Variants in RIN2 observed in about 807,000 individuals in gnomAD.
RIN2 encodes Ras and Rab interactor 2.
Under a neutral mutation model 78.0 loss-of-function variants are expected in RIN2, and 36 were observed. That is an observed-to-expected ratio of 0.46 (90% CI 0.35 to 0.61). The LOEUF is 0.61. Among genes scored for constraint, RIN2 ranks in the 20% least tolerant of loss-of-function variants. The probability of loss-of-function intolerance (pLI) is 0.00; values close to 1 mark genes in which losing one functional copy is unlikely to be tolerated. For missense variants in RIN2, 1,087 were observed against 1,159.7 expected, an observed-to-expected ratio of 0.94 and a Z score of 0.91; for synonymous variants, 466 against 466.8, an observed-to-expected ratio of 1.00 and a Z score of 0.02.
chr20:19,785,137 T>A (rs2034632539), intron 1 of RIN2, among the ~76,000 whole-genome samples: 1 of 151,984 alleles, frequency 6.6e-6, no homozygotes, highest in Admixed American at 6.6e-5. Flanking sequence ...ACATCAACTC[T>A]CACTCACGAT....
At chr20:19,978,490 T>G (rs2042351897) in intron 9 of RIN2, among the ~76,000 whole-genome samples, 1 of 152,232 alleles carries the variant, frequency 6.6e-6, no homozygotes, top group Non-Finnish European at 1.5e-5. Flanking sequence ...GCCCATGTGC[T>G]GGTGTCACTA....
chr20:19,933,077 G>A (rs1312554898), intron 3 of RIN2, among the ~76,000 whole-genome samples: 1 of 152,084 alleles, frequency 6.6e-6, no homozygotes, highest in African/African-American at 2.4e-5. Context: ...CTCGGTCCAA[G>A]CTGCATCATC....
At chr20:19,967,789 C>G (rs778255485) in intron 7 of RIN2, among the ~76,000 whole-genome samples, 4 of 152,102 alleles carry the variant, frequency 2.6e-5, no homozygotes, top group Non-Finnish European at 5.9e-5. Context: ...TGGGTTAAGG[C>G]TAATGCTGCT....
In RIN2 at chr20:19,956,972, A is replaced by T. The variant is rs547402443; in HGVS notation, c.351+165A>T. ...GCAGAAATATTCTGTAAACCCAGGA[A>T]CAGAGCCCTTCACGATGTGTCTTTC... On this transcript the variant is annotated intron_variant, in intron 5 of 12. Coordinates refer to ENST00000255006, the MANE Select transcript of RIN2 (RefSeq NM_018993.4). Among the ~76,000 whole-genome samples the T allele has an allele frequency of 5.3e-5, 8 of 152,362 alleles. No homozygotes were observed. The East Asian group carries it at 1.3e-3, about 26-fold the overall frequency.
At chr20:19,863,640 A>G (rs1372383304) in intron 2 of RIN2, among the ~76,000 whole-genome samples, 1 of 152,032 alleles carries the variant, frequency 6.6e-6, no homozygotes, top group Non-Finnish European at 1.5e-5. Flanking sequence ...TCACTTTCCC[A>G]TTCACCTATC....
intron 2 of RIN2, among the ~76,000 whole-genome samples, chr20:19,818,366 T>C (rs868753055): frequency 6.6e-6 from 1 of 152,244 alleles, no homozygotes. Flanking sequence ...ATGTTCATGG[T>C]TGGCAAGAGT....
chr20:19,760,248 G>C (rs1448038262), intron 1 of RIN2, among the ~76,000 whole-genome samples: 1 of 152,190 alleles, frequency 6.6e-6, no homozygotes, highest in Non-Finnish European at 1.5e-5. Flanking sequence ...TGGGAAGAAG[G>C]CTGTTGACAG....
intron 2 of RIN2, among the ~76,000 whole-genome samples, chr20:19,825,850 G>C (rs767032661): frequency 6.6e-6 from 1 of 152,164 alleles, no homozygotes; most frequent in Non-Finnish European, 1.5e-5. Flanking sequence ...TCTCATTTGT[G>C]AGCCTGTTGT....
At chr20:19,916,112 C>T (rs879558138) in intron 3 of RIN2, among the ~76,000 whole-genome samples, 4 of 152,136 alleles carry the variant, frequency 2.6e-5, no homozygotes, top group Admixed American at 6.6e-5. Flanking sequence ...TGGTGGCACG[C>T]GCCTGTAGTC....
intron 9 of RIN2, among the ~76,000 whole-genome samples, chr20:19,984,437 C>G (rs1244848538): frequency 6.6e-6 from 1 of 152,074 alleles, no homozygotes; most frequent in Admixed American, 6.5e-5. Context: ...CTAAACACGT[C>G]TAAACACAGG....
rs980574506 is a variant in RIN2, at chr20:19,998,206, T to C, written c.2364+1364T>C. ...CGTGGTGGCCAGGCTGGACTCAAAC[T>C]CCTGGCCTCAACTGATCCACCCGCC... On this transcript the variant is annotated intron_variant, in intron 12 of 12. Coordinates refer to ENST00000255006, the MANE Select transcript of RIN2 (RefSeq NM_018993.4). Among the ~76,000 whole-genome samples, 8 of 152,052 alleles carry C rather than the reference T, an allele frequency of 5.3e-5. 1 individual carries two copies. The highest frequency in any genetic ancestry group is 2.6e-4 in the Admixed American group (4 of 15,290).
At chr20:19,959,736 C>T (rs1190908239) in intron 5 of RIN2, among the ~76,000 whole-genome samples, 1 of 152,128 alleles carries the variant, frequency 6.6e-6, no homozygotes, top group Non-Finnish European at 1.5e-5. Context: ...AGAAGCATGA[C>T]AGACAGAATA....
At chr20:19,924,231 TACCCC>T (rs1463347073) in intron 3 of RIN2, among the ~76,000 whole-genome samples, 2 of 13,400 alleles carry the variant, frequency 1.5e-4, no homozygotes, top group East Asian at 5.0e-3. Flanking sequence ...CCACCTTCCA[TACCCC>T]ACCTTCAAAC....
intron 1 of RIN2, among the ~76,000 whole-genome samples, chr20:19,793,834 C>T (rs1451960971): frequency 1.3e-5 from 2 of 152,130 alleles, no homozygotes; most frequent in African/African-American, 2.4e-5. Context: ...TTGGGTTCCC[C>T]ATGGTAGCTA....
intron 3 of RIN2, among the ~76,000 whole-genome samples, chr20:19,923,469 T>TAAATA (rs1555791810): frequency 1.0e-5 from 1 of 97,120 alleles, no homozygotes; most frequent in Admixed American, 9.3e-5. Flanking sequence ...TAAAATAAAA[T>TAAATA]AAATAAAATA....
chr20:19,768,971 G>T (rs2034007517), intron 1 of RIN2, among the ~76,000 whole-genome samples: 1 of 149,580 alleles, frequency 6.7e-6, no homozygotes, highest in Non-Finnish European at 1.5e-5. Flanking sequence ...ACCCAGGCTG[G>T]AGTACAAAGT....
At chr20:19,981,836 A>G (rs562786156) in intron 9 of RIN2, among the ~76,000 whole-genome samples, 2 of 150,194 alleles carry the variant, frequency 1.3e-5, no homozygotes, top group South Asian at 2.1e-4. Flanking sequence ...AATACTTAAA[A>G]CCAACCCAGG....
chr20:19,886,827 G>A, intron 2 of RIN2: 1 of 1,172,508 alleles, frequency 8.5e-7, no homozygotes, highest in Middle Eastern at 1.9e-4. Context: ...GATGGTTTTA[G>A]GATGAAGCTG....
intron 2 of RIN2, among the ~76,000 whole-genome samples, chr20:19,886,310 C>T (rs1160395891): frequency 1.3e-5 from 2 of 152,204 alleles, no homozygotes; most frequent in Non-Finnish European, 2.9e-5. Flanking sequence ...GGCAGTGCAG[C>T]CTGGAGCCCA....
Sources: allele counts gnomAD v4.1 joint callset (sites outside exome capture counted in the v4.1 genomes callset), GRCh38; gene constraint gnomAD v4.1.1; transcripts MANE v1.5; gene names NCBI Gene and HGNC (gene_info 2026-07-23, HGNC 2026-07-21).